The following GGA2 variants were observed in gnomAD, a reference collection of about 807,000 sequenced individuals.
GGA2 encodes the protein golgi associated, gamma adaptin ear containing, ARF binding protein 2.
Under a neutral mutation model 79.5 loss-of-function variants are expected in GGA2, and 48 were observed. The observed-to-expected ratio is 0.60, with a 90% CI of 0.48 to 0.77. The LOEUF (loss-of-function observed/expected upper bound fraction) is 0.77. Ranked by LOEUF, GGA2 falls within the 30% of genes least tolerant of loss-of-function variation. The pLI, the probability that GGA2 is intolerant of heterozygous loss-of-function variation, is 0.00. For missense variants in GGA2, 770 were observed against 774.0 expected, an observed-to-expected ratio of 0.99 and a Z score of 0.06; for synonymous variants, 317 against 302.0, an observed-to-expected ratio of 1.05 and a Z score of -0.51.
At chr16:23,479,934 A>G (rs1187114877) in intron 10 of GGA2, 47 bp from the exon 11 acceptor site, 1 of 1,600,548 alleles carries the variant, frequency 6.2e-7, no homozygotes, top group Non-Finnish European at 8.5e-7. Flanking sequence ...ACATGAGAGC[A>G]AAGTCTCCAC....
At position 23,488,723 on chromosome 16, in the gene GGA2, T is replaced by C; in HGVS notation, c.476-14A>G. The C allele has an allele frequency of 7.0e-7, 1 of 1,435,000 alleles. No individual in the cohort carries two copies. Among genetic ancestry groups the C allele is most frequent in the Non-Finnish European group, 9.8e-7 (1 of 1,018,132 alleles). The allele number at this position is 1,435,000 out of a possible 1,614,324, so 88.9% of individuals were successfully genotyped here. On this transcript the variant is annotated splice_polypyrimidine_tract_variant and intron_variant, in intron 5 of 16. Coordinates refer to ENST00000309859, the MANE Select transcript of GGA2 (RefSeq NM_015044.4). ...GTTTTATAATTCCTAAAAATGCAAT[T>C]TACAAAGTTAAGACACCGATATGGT... is the stretch of plus-strand genomic sequence containing the variant.
chr16:23,470,825 C>CTTT (rs36067397), intron 14 of GGA2, among the ~76,000 whole-genome samples: 21 of 56,100 alleles, frequency 3.7e-4, no homozygotes, highest in East Asian at 5.5e-4. Context: ...GAAATAAATG[C>CTTT]TTTTTTTTTT....
chr16:23,501,663 T>C (rs756775734), intron 1 of GGA2: 12 of 186,660 alleles, frequency 6.4e-5, no homozygotes, highest in Non-Finnish European at 1.1e-4. Context: ...TAATGCCATC[T>C]TAAAGAGAGA....
intron 10 of GGA2, 68 bp downstream of exon 10, chr16:23,480,577 C>A: frequency 7.3e-7 from 1 of 1,360,948 alleles, no homozygotes. Flanking sequence ...TGTTTAGGAC[C>A]CATTTCTTTT....
At chr16:23,478,526 T>A (rs1964605717) in intron 12 of GGA2, 25 bp from the exon 13 acceptor site, 1 of 1,601,286 alleles carries the variant, frequency 6.2e-7, no homozygotes, top group Non-Finnish European at 8.5e-7. Context: ...ATGGCTAAAA[T>A]AAGACCAGGG....
At chr16:23,511,975 T>TTAGCTGTCTA (rs1671679741), upstream of GGA2, among the ~76,000 whole-genome samples, 1 of 151,782 alleles carries the variant, frequency 6.6e-6, no homozygotes, top group Admixed American at 6.6e-5. Context: ...TGCATTGGTA[T>TTAGCTGTCTA]CAACTTAACA....
Position 23,477,968 on chromosome 16 carries a change from G to A in GGA2, c.1292+400C>T, listed in dbSNP as rs573907224. On this transcript the variant is annotated intron_variant, in intron 13 of 16. Coordinates refer to ENST00000309859, the MANE Select transcript of GGA2 (RefSeq NM_015044.4). Reference sequence around the variant, plus strand: ...AAAGATGTTTCTTGGCCAGGCAGACGGATCACCTGAGGTCAGGAGTTTGAG... The same window carrying A: ...AAAGATGTTTCTTGGCCAGGCAGACAGATCACCTGAGGTCAGGAGTTTGAG... Among the ~76,000 whole-genome samples the A allele has an allele frequency of 3.0e-4, 46 of 152,010 alleles. No individual in the cohort carries two copies. In the East Asian group the frequency reaches 8.0e-3, roughly 26 times the overall value.
At chr16:23,499,168 G>A (rs1255906592) in intron 1 of GGA2, among the ~76,000 whole-genome samples, 1 of 123,372 alleles carries the variant, frequency 8.1e-6, no homozygotes, top group African/African-American at 3.1e-5. Flanking sequence ...TTTTTGATAT[G>A]GAGTCTCGCT....
chr16:23,510,347 G>GAC lies in GGA2; in HGVS notation c.64_65insGT (p.Pro22ArgfsTer33). On this transcript the variant is annotated frameshift_variant, in exon 1 of 17. Coordinates refer to ENST00000309859, the MANE Select transcript of GGA2 (RefSeq NM_015044.4). LOFTEE classifies it high-confidence loss of function. Reference sequence around the variant, plus strand: ...GAGCCACAGCTCCAGCGACGCTGCCGGGCCCGGGGGACCCTGGGCCGACTC... The same window carrying GAC: ...GAGCCACAGCTCCAGCGACGCTGCCGACGGCCCGGGGGACCCTGGGCCGACTC... 7.0e-7 allele frequency: 1 copy of GAC among 1,436,664 alleles called. No individual in the cohort carries two copies. The highest frequency in any genetic ancestry group is 9.1e-7 in the Non-Finnish European group (1 of 1,095,576). The allele number at this position is 1,436,664 out of a possible 1,614,324, so 89.0% of individuals were successfully genotyped here.
chr16:23,477,454 C>T (rs1318255121), intron 13 of GGA2, among the ~76,000 whole-genome samples: 15 of 152,160 alleles, frequency 9.9e-5, no homozygotes, highest in Non-Finnish European at 1.9e-4. Flanking sequence ...ACATAAGACA[C>T]GCCTTTTGGC....
chr16:23,490,285 A>G (rs1220815406), intron 5 of GGA2, among the ~76,000 whole-genome samples: 2 of 152,218 alleles, frequency 1.3e-5, no homozygotes, highest in Admixed American at 6.5e-5. Context: ...AATCCTGTCT[A>G]CCAAAAGGAA....
upstream of GGA2, chr16:23,522,982 G>C (rs1052021447): frequency 6.6e-6 from 1 of 152,216 alleles, no homozygotes; most frequent in African/African-American, 2.4e-5. Flanking sequence ...TTCATGACCT[G>C]GAAGCTGGCT....
chr16:23,511,363 G>A (rs1252819560), upstream of GGA2, among the ~76,000 whole-genome samples: 5 of 150,414 alleles, frequency 3.3e-5, no homozygotes, highest in Non-Finnish European at 5.9e-5. Flanking sequence ...GGTTCACTAT[G>A]TTGGCCAGGC....
exon 2 of GGA2, chr16:23,519,593 G>A (rs1370385962): frequency 4.7e-6 from 2 of 423,460 alleles, no homozygotes; most frequent in South Asian, 3.3e-5. Flanking sequence ...TTACCTTCAG[G>A]GCTAGGGCAG....
intron 14 of GGA2, 99 bp from the exon 15 acceptor site, chr16:23,470,264 C>G: frequency 1.2e-6 from 1 of 854,158 alleles, no homozygotes; most frequent in Non-Finnish European, 1.8e-6. Flanking sequence ...GATGCTGTTG[C>G]TTCTCCATGC....
chr16:23,469,984 C>A lies in GGA2; in HGVS notation c.1620+12G>T, dbSNP rs1964488756. ...ACAGCCATTACTGAGAAATCCCCAA[C>A]AGATGACTCACCTTTGGCACAGCCA... On this transcript the variant is annotated intron_variant, in intron 15 of 16. Coordinates refer to ENST00000309859, the MANE Select transcript of GGA2 (RefSeq NM_015044.4). The A allele has an allele frequency of 2.0e-6, 3 of 1,501,104 alleles. No homozygotes were observed. Among genetic ancestry groups the A allele is most frequent in the African/African-American group, 2.8e-5 (2 of 70,790 alleles). 93.0% of individuals were successfully genotyped at this position (1,501,104 alleles called of 1,614,324 possible). A position where few individuals can be genotyped will look rare whatever the true frequency, so the allele number is the denominator to read the frequency against.
chr16:23,474,832 G>C, intron 14 of GGA2, 72 bp downstream of exon 14: 1 of 1,146,510 alleles, frequency 8.7e-7, no homozygotes, highest in South Asian at 1.2e-5. Context: ...TCAAACTGGA[G>C]TGGAAAAAGC....
At chr16:23,486,930 C>A in intron 6 of GGA2, 140 bp from the exon 7 acceptor site, 2 of 683,086 alleles carry the variant, frequency 2.9e-6, no homozygotes. Context: ...TCCAAGGACA[C>A]TACGATGCAG....
chr16:23,514,103 CTTTT>C (rs879933447), upstream of GGA2, among the ~76,000 whole-genome samples: 1 of 146,758 alleles, frequency 6.8e-6, no homozygotes, highest in South Asian at 2.2e-4. Flanking sequence ...CAACATAAAA[CTTTT>C]TTTTTTTTGA....
Sources: gnomAD v4.1 joint callset for allele counts (sites outside exome capture counted in the v4.1 genomes callset) on GRCh38, gnomAD v4.1.1 for gene constraint, MANE v1.5 for transcripts, NCBI Gene and HGNC (gene_info 2026-07-23, HGNC 2026-07-21) for gene names.